The following DEPDC5 variants were observed in gnomAD, a reference collection of about 807,000 sequenced individuals.
The protein encoded by DEPDC5 is DEP domain containing 5, GATOR1 subcomplex subunit, also known as GATOR1 complex protein DEPDC5.
Under a neutral mutation model 217.3 loss-of-function variants are expected in DEPDC5, and 73 were observed. That is an observed-to-expected ratio of 0.34 (90% confidence interval 0.28 to 0.41). DEPDC5 has a LOEUF of 0.41. Among genes scored for constraint, DEPDC5 ranks in the 10% least tolerant of loss-of-function variants. DEPDC5 has a pLI of 1.00. For synonymous variants in DEPDC5, 733 were observed against 756.7 expected (o/e 0.97, Z 0.51); for missense variants, 1,675 against 2,070.1 (o/e 0.81, Z 3.70).
Position 31,810,616 on chromosome 22 carries a change from C to T in DEPDC5, c.1420C>T (p.Arg474Trp), listed in dbSNP as rs780828885. 9 of 1,614,052 alleles carry T rather than the reference C, an allele frequency of 5.6e-6. No homozygotes were observed. Among genetic ancestry groups the T allele is most frequent in the South Asian group, 2.2e-5 (2 of 91,084 alleles). ...AGTGTTCAGGCTGCCCGGCCCATCCCGGGCCCAGTGCCTCACCACCTGCAG... is the reference window on the plus strand; with the variant it reads ...AGTGTTCAGGCTGCCCGGCCCATCCTGGGCCCAGTGCCTCACCACCTGCAG... The part of the protein sequence containing the change: ...AQVFRLPGPS[R>W]AQCLTTCRSV... The change falls in exon 20 of 43, where the codon CGG becomes TGG. Residue 474 changes from arginine to tryptophan, a missense_variant. Physicochemically the swap from Arg to Trp is moderately radical, Grantham distance 101 (BLOSUM62 -3). Around this residue, in one of 11 missense-constraint regions of DEPDC5, gnomAD observed 628 missense variants for 762.1 expected, o/e 0.82. Transcript: ENST00000651528.
intron 17 of DEPDC5, among the ~76,000 whole-genome samples, chr22:31,805,273 T>C (rs1261927176): frequency 6.6e-6 from 1 of 152,158 alleles, no homozygotes; most frequent in African/African-American, 2.4e-5. Flanking sequence ...TGATTCCAGC[T>C]CAGGGATGGC....
At chr22:31,791,535 C>T (rs530994932) in intron 10 of DEPDC5, among the ~76,000 whole-genome samples, 2 of 150,370 alleles carry the variant, frequency 1.3e-5, no homozygotes, top group Middle Eastern at 3.4e-3. Context: ...GAGGCTGAGG[C>T]AGGAGAATTG....
chr22:31,769,492 A>G (rs1021347991), intron 7 of DEPDC5: 7 of 152,196 alleles, frequency 4.6e-5, no homozygotes, highest in African/African-American at 1.7e-4. Flanking sequence ...CAGGTTTAGA[A>G]ACATAAAATG....
At chr22:31,785,083 A>C in intron 10 of DEPDC5, 1 of 484,376 alleles carries the variant, frequency 2.1e-6, no homozygotes, top group South Asian at 2.9e-5. Context: ...AAGACTGAAA[A>C]CTTTCCCCCA....
chr22:31,805,810 A>G (rs1227832215), intron 17 of DEPDC5, among the ~76,000 whole-genome samples: 1 of 152,160 alleles, frequency 6.6e-6, no homozygotes, highest in Non-Finnish European at 1.5e-5. Context: ...AAAAGTAGCA[A>G]TTTCAGGCCG....
rs1261280021 is a variant in DEPDC5 at position 31,768,803 on chromosome 22, C to A, written c.364-11C>A. ...CTCCCTCTCTCTACCCCTCTCTCCC[C>A]CTCCTCTTAGGTCAGCACATGTGCC... On this transcript the variant is annotated splice_polypyrimidine_tract_variant and intron_variant, in intron 6 of 42. Coordinates refer to ENST00000651528, the MANE Select transcript of DEPDC5 (RefSeq NM_001242896.3). 5 of 1,612,340 alleles carry A rather than the reference C, an allele frequency of 3.1e-6. No individual in the cohort carries two copies. The highest frequency in any genetic ancestry group is 3.4e-6 in the Non-Finnish European group (4 of 1,179,092).
intron 34 of DEPDC5, 43 bp downstream of exon 34, chr22:31,870,787 G>A: frequency 6.8e-7 from 1 of 1,468,502 alleles, no homozygotes. Context: ...GGGGAGTGGG[G>A]ACAGTCTGAT....
In DEPDC5 at chr22:31,787,633, T is replaced by C. The variant is rs558045822; in HGVS notation, c.624+2758T>C. 9.9e-5 allele frequency among the ~76,000 whole-genome samples: 15 copies of C among 152,016 alleles called. No homozygotes were observed. The East Asian group carries it at 2.7e-3, about 27-fold the overall frequency. ...TAACCCAGACAACAAAACGAGACCC[T>C]GTCTCTACAAAAATAAAAATAGAAA... On this transcript the variant is annotated intron_variant, in intron 10 of 42. Transcript: ENST00000651528.
At chr22:31,811,702 A>G (rs1260261502) in intron 20 of DEPDC5, among the ~76,000 whole-genome samples, 1 of 151,840 alleles carries the variant, frequency 6.6e-6, no homozygotes, top group East Asian at 1.9e-4. Context: ...GGCATGCACC[A>G]TCATGTCCAG....
At chr22:31,883,249 C>A (rs2093224280) in intron 38 of DEPDC5, among the ~76,000 whole-genome samples, 1 of 152,122 alleles carries the variant, frequency 6.6e-6, no homozygotes, top group Non-Finnish European at 1.5e-5. Context: ...AATCAGGAGC[C>A]AAGATTAGAG....
At chr22:31,846,750 A>G in intron 30 of DEPDC5, 84 bp from the exon 31 acceptor site, 1 of 1,449,942 alleles carries the variant, frequency 6.9e-7, no homozygotes, top group South Asian at 1.1e-5. Context: ...GGGCCTGGGA[A>G]TGCTGCAGCA....
intron 38 of DEPDC5, among the ~76,000 whole-genome samples, chr22:31,889,592 T>A (rs1037077039): frequency 2.1e-5 from 3 of 143,888 alleles, no homozygotes; most frequent in African/African-American, 7.6e-5. Flanking sequence ...CTCTGTTGCC[T>A]ATGCTGGAGT....
rs1247154085 is a variant in DEPDC5, at chr22:31,809,091, A to G, written c.1288-520A>G. On this transcript the variant is annotated intron_variant, in intron 18 of 42. Transcript: ENST00000651528. ...CCTTTATTTATTTATTTAATCTGAA[A>G]AAGATCTTTAAGAAAATGTAAAAAG... is the stretch of plus-strand genomic sequence containing the variant. 5.9e-5 allele frequency among the ~76,000 whole-genome samples: 9 copies of G among 152,240 alleles called. No homozygotes were observed. The South Asian group carries it at 1.9e-3, about 32-fold the overall frequency.
intron 20 of DEPDC5, among the ~76,000 whole-genome samples, chr22:31,811,629 A>G (rs2088353283): frequency 6.7e-6 from 1 of 150,318 alleles, no homozygotes; most frequent in Middle Eastern, 3.2e-3. Context: ...AGCTCACTGT[A>G]ACCTCTGCCT....
chr22:31,845,488 G>C (rs925366890), intron 30 of DEPDC5, among the ~76,000 whole-genome samples: 3 of 152,186 alleles, frequency 2.0e-5, no homozygotes, highest in African/African-American at 7.2e-5. Flanking sequence ...GTGCCTTGAG[G>C]TGCTCCCCAA....
Position 31,764,290 on chromosome 22 carries a change from C to G in DEPDC5, c.194-685C>G, listed in dbSNP as rs186947378. On this transcript the variant is annotated intron_variant, in intron 4 of 42. Coordinates refer to ENST00000651528, the MANE Select transcript of DEPDC5 (RefSeq NM_001242896.3). ...CTCCTGCCCCATGTTACGTTTCTTA[C>G]CAGACTTAAGGGCTCATTGAAAAAT... Among the ~76,000 whole-genome samples the G allele has an allele frequency of 6.6e-5, 10 of 152,246 alleles. No homozygotes were observed. The East Asian group carries it at 1.9e-3, about 29-fold the overall frequency.
chr22:31,865,123 G>A (rs1256300170), intron 33 of DEPDC5, among the ~76,000 whole-genome samples: 1 of 152,198 alleles, frequency 6.6e-6, no homozygotes, highest in East Asian at 1.9e-4. Context: ...ACCGCACCCA[G>A]CCGTATTTTT....
At chr22:31,878,185 CA>C (rs112151571) in intron 37 of DEPDC5, among the ~76,000 whole-genome samples, 1,729 of 125,044 alleles carry the variant, frequency 0.014, 17 homozygotes, top group African/African-American at 0.039. Context: ...GACTCCATCT[CA>C]AAAAAAAAAA....
At chr22:31,874,735 A>G (rs574464313) in intron 36 of DEPDC5, among the ~76,000 whole-genome samples, 69 of 152,266 alleles carry the variant, frequency 4.5e-4, no homozygotes, top group Admixed American at 3.9e-3. Context: ...CCCCTGGTCA[A>G]TGCATGCTTA....
Sources: allele counts gnomAD v4.1 joint callset (sites outside exome capture counted in the v4.1 genomes callset), GRCh38; gene constraint gnomAD v4.1.1; regional missense constraint gnomAD v4.1.1; transcripts MANE v1.5; gene names NCBI Gene and HGNC (gene_info 2026-07-23, HGNC 2026-07-21).